The following SLC44A2 variants were observed in gnomAD, a reference collection of about 807,000 sequenced individuals.
The protein encoded by SLC44A2 is choline transporter-like protein 2.
A neutral mutation model predicts 90.8 loss-of-function variants in SLC44A2; 57 were observed. The observed-to-expected ratio is 0.63, with a 90% CI of 0.51 to 0.78. SLC44A2 has a LOEUF of 0.78. Ranked by LOEUF, SLC44A2 falls within the 30% of genes least tolerant of loss-of-function variation. The probability of loss-of-function intolerance (pLI) is 0.00; values close to 1 mark genes in which losing one functional copy is unlikely to be tolerated. For synonymous variants in SLC44A2, 355 were observed against 360.7 expected (o/e 0.98, Z 0.18); for missense variants, 794 against 919.7 (o/e 0.86, Z 1.77).
chr19:10,628,389 A>G (rs2066957397), intron 4 of SLC44A2, among the ~76,000 whole-genome samples: 1 of 152,170 alleles, frequency 6.6e-6, no homozygotes, highest in Non-Finnish European at 1.5e-5. Flanking sequence ...CTGTCTCAAA[A>G]CAAACAAGCA....
At chr19:10,632,605 G>A (rs866391682) in intron 10 of SLC44A2, among the ~76,000 whole-genome samples, 36 of 151,270 alleles carry the variant, frequency 2.4e-4, no homozygotes, top group Admixed American at 1.1e-3. Context: ...TATCAGAATA[G>A]CAGAGGTTCA....
chr19:10,642,306 G>GGGGGT, intron 20 of SLC44A2, 61 bp from the exon 21 acceptor site: 2 of 1,434,204 alleles, frequency 1.4e-6, no homozygotes, highest in East Asian at 4.6e-5. Context: ...GATGGACTCA[G>GGGGGT]GGGGTGGGGG....
intron 20 of SLC44A2, among the ~76,000 whole-genome samples, chr19:10,638,967 T>A (rs2067088194): frequency 6.6e-6 from 1 of 152,152 alleles, no homozygotes; most frequent in African/African-American, 2.4e-5. Context: ...GTGTGGCTAA[T>A]TTTACATTTT....
At position 10,635,046 on chromosome 19, in the gene SLC44A2, C is replaced by T. The variant is rs371447462; in HGVS notation, c.1028C>T (p.Ala343Val). ...LIFLRKRILI[A>V]IALIKEASRA... ...TTTCTCCGGAAGAGAATTCTCATCG[C>T]GATTGCACTCATCAAAGAAGCCAGC... The change falls in exon 12 of 22, where the codon GCG (alanine) becomes GTG (valine). Residue 343 changes from alanine (A) to valine (V), a missense_variant. Coordinates refer to ENST00000335757, the MANE Select transcript of SLC44A2 (RefSeq NM_020428.4). 1.1e-5 allele frequency: 17 copies of T among 1,614,018 alleles called. No homozygotes were observed. Among genetic ancestry groups the T allele is most frequent in the Admixed American group, 1.7e-5 (1 of 59,984 alleles).
chr19:10,627,272 G>A (rs1193073791), intron 2 of SLC44A2, among the ~76,000 whole-genome samples: 2 of 150,756 alleles, frequency 1.3e-5, no homozygotes, highest in African/African-American at 4.9e-5. Context: ...AGTAAGCTGA[G>A]ATCGTTCCAC....
At chr19:10,629,998 G>A (rs776082378) in intron 4 of SLC44A2, among the ~76,000 whole-genome samples, 2 of 152,058 alleles carry the variant, frequency 1.3e-5, no homozygotes, top group African/African-American at 2.4e-5. Context: ...CAGGTGATCC[G>A]CCTGCCTTGG....
At chr19:10,641,894 A>C (rs1320290820) in intron 20 of SLC44A2, among the ~76,000 whole-genome samples, 1 of 151,674 alleles carries the variant, frequency 6.6e-6, no homozygotes, top group Non-Finnish European at 1.5e-5. Context: ...GCGGTGGCTC[A>C]CGCCTGTAAT....
At chr19:10,614,175 C>T (rs2066836814) in intron 1 of SLC44A2, among the ~76,000 whole-genome samples, 1 of 152,010 alleles carries the variant, frequency 6.6e-6, no homozygotes, top group Non-Finnish European at 1.5e-5. Flanking sequence ...CCACGTTGGC[C>T]ACGCTGGTCT....
At chr19:10,603,917 T>C (rs766540391) in intron 1 of SLC44A2, among the ~76,000 whole-genome samples, 13 of 152,134 alleles carry the variant, frequency 8.5e-5, no homozygotes, top group Non-Finnish European at 1.5e-4. Flanking sequence ...GAATGGACAA[T>C]GATATGATTC....
At chr19:10,622,095 G>T (rs2066898904), upstream of SLC44A2, among the ~76,000 whole-genome samples, 1 of 152,224 alleles carries the variant, frequency 6.6e-6, no homozygotes, top group South Asian at 2.1e-4. Flanking sequence ...TGAAGGCAAC[G>T]GAGCTGTATG....
intron 1 of SLC44A2, among the ~76,000 whole-genome samples, chr19:10,619,849 G>A (rs2066884125): frequency 6.6e-6 from 1 of 152,100 alleles, no homozygotes; most frequent in South Asian, 2.1e-4. Flanking sequence ...CAGCTACTTG[G>A]GAGGCTGAGG....
At position 10,638,119 on chromosome 19, in the gene SLC44A2, G is replaced by A. The variant is rs753285078; in HGVS notation, c.1840+26G>A. The A allele has an allele frequency of 5.0e-6, 8 of 1,613,758 alleles. No individual in the cohort carries two copies. The South Asian group carries it at 5.5e-5, about 11-fold the overall frequency. On this transcript the variant is annotated intron_variant, in intron 19 of 21. Transcript: ENST00000335757. The stretch of plus-strand genomic sequence containing the variant: ...GTGAGTGCCGCCCACCTAGCCTCTC[G>A]GGGTGTGGGAGCCTGATTTCTGTCT...
chr19:10,635,578 C>T (rs2067045444), intron 14 of SLC44A2, 63 bp downstream of exon 14: 3 of 1,421,952 alleles, frequency 2.1e-6, no homozygotes, highest in African/African-American at 1.4e-5. Flanking sequence ...GATTTGAAAC[C>T]TCTCATGTCC....
intron 16 of SLC44A2, chr19:10,637,385 A>C: frequency 2.2e-6 from 1 of 452,620 alleles, no homozygotes; most frequent in African/African-American, 2.0e-5. Flanking sequence ...TATTTTTCTT[A>C]GAGGAAGGGC....
intron 1 of SLC44A2, among the ~76,000 whole-genome samples, chr19:10,617,955 T>C (rs1290013726): frequency 6.6e-6 from 1 of 152,192 alleles, no homozygotes; most frequent in African/African-American, 2.4e-5. Context: ...ATGCTTTCCC[T>C]TCATACTTGT....
chr19:10,605,602 G>A (rs952246733), intron 1 of SLC44A2, among the ~76,000 whole-genome samples: 3 of 152,004 alleles, frequency 2.0e-5, no homozygotes, highest in Admixed American at 1.3e-4. Flanking sequence ...CCGGAGAATC[G>A]CTTCAACCTG....
upstream of SLC44A2, among the ~76,000 whole-genome samples, chr19:10,622,771 G>A (rs911667121): frequency 2.0e-5 from 3 of 151,864 alleles, no homozygotes; most frequent in African/African-American, 7.3e-5. Flanking sequence ...GTGTGGTGGC[G>A]CGTGCCTGTG....
exon 1 of SLC44A2, chr19:10,602,516 C>G: frequency 2.4e-6 from 3 of 1,270,394 alleles, no homozygotes; most frequent in Non-Finnish European, 3.0e-6. Context: ...CTCCGCTCCC[C>G]GCCCCGCCGC....
intron 1 of SLC44A2, among the ~76,000 whole-genome samples, chr19:10,607,749 TA>T (rs201562694): frequency 0.24 from 30,246 of 127,860 alleles, 3,690 homozygotes; most frequent in Non-Finnish European, 0.31. Context: ...TTATTATTAT[TA>T]TTTTTTTTTT....
Sources: gnomAD v4.1 joint callset for allele counts (sites outside exome capture counted in the v4.1 genomes callset) on GRCh38, gnomAD v4.1.1 for gene constraint, MANE v1.5 for transcripts, NCBI Gene and HGNC (gene_info 2026-07-23, HGNC 2026-07-21) for gene names.